The following CDAN1 variants were observed in gnomAD, a reference collection of about 807,000 sequenced individuals.
CDAN1 encodes codanin 1, also known as codanin-1.
CDAN1 carries 107 observed loss-of-function variants against 139.8 expected under a neutral mutation model. That is an observed-to-expected ratio of 0.77 (90% CI 0.65 to 0.90). CDAN1 has a LOEUF of 0.90. CDAN1 is among the 40% of genes least tolerant of loss of function. The pLI is 0.00. For missense variants in CDAN1, 1,667 were observed against 1,575.7 expected (o/e 1.06, Z -0.98); for synonymous variants, 776 against 660.6 (o/e 1.17, Z -2.68).
At chr15:42,729,964 G>A (rs2061587428) in intron 15 of CDAN1, 79 bp from the exon 16 acceptor site, 5 of 1,237,400 alleles carry the variant, frequency 4.0e-6, no homozygotes, top group East Asian at 2.5e-5. Context: ...GTCCCAGGGT[G>A]TAGGCGCCAG....
chr15:42,731,472 C>A, intron 11 of CDAN1, 141 bp from the exon 12 acceptor site: 1 of 1,412,270 alleles, frequency 7.1e-7, no homozygotes, highest in Non-Finnish European at 1.0e-6. Context: ...ACGTGGGTGA[C>A]AGAATGAGAA....
chr15:42,730,888 C>A, intron 13 of CDAN1, 37 bp downstream of exon 13: 1 of 1,614,062 alleles, frequency 6.2e-7, no homozygotes, highest in South Asian at 1.1e-5. Flanking sequence ...GCCGGTCCTC[C>A]CTGCTCCCTC....
rs751944514 is a variant in CDAN1, at chr15:42,730,648, G to A, written c.2124C>T (p.Pro708=). The A allele has an allele frequency of 6.2e-7, 1 of 1,614,078 alleles. No individual in the cohort carries two copies. The highest frequency in any genetic ancestry group is 1.3e-5 in the African/African-American group (1 of 74,942). The change falls in exon 14 of 28, where the codon CCC becomes CCT. Residue 708 remains proline, a synonymous_variant. Coordinates refer to ENST00000356231, the MANE Select transcript of CDAN1 (RefSeq NM_138477.4). The part of the protein sequence containing the change: ...EFLSFADHVV[P]LLEYYRDIFT... ...AGATGTCCCGGTAATATTCCAGCAAGGGAACAACATGGTCAGCAAAGGAGA... is the reference window on the plus strand; with the variant it reads ...AGATGTCCCGGTAATATTCCAGCAAAGGAACAACATGGTCAGCAAAGGAGA...
Position 42,723,725 on chromosome 15 carries a change from T to C in CDAN1, c.*766A>G, listed in dbSNP as rs935462910. ...TACCTTATCTGTTTGTTAGGCTTTT[T>C]CTAGAAAGTCTCGCTCTGTTACCCA... On this transcript the variant is annotated 3_prime_UTR_variant, in exon 28 of 28. Transcript: ENST00000356231. 13 of 152,550 alleles carry C rather than the reference T, an allele frequency of 8.5e-5. No homozygotes were observed. The highest frequency in any genetic ancestry group is 3.1e-4 in the African/African-American group (13 of 41,440). The allele number at this position is 152,550 out of a possible 1,614,324, so 9.4% of individuals were successfully genotyped here.
intron 8 of CDAN1, 44 bp from the exon 9 acceptor site, chr15:42,733,230 C>G: frequency 2.7e-6 from 4 of 1,487,616 alleles, no homozygotes; most frequent in Non-Finnish European, 3.8e-6. Flanking sequence ...CTCACTCCCA[C>G]CAGTGCCTTC....
At chr15:42,728,559 A>G in intron 20 of CDAN1, 93 bp downstream of exon 20, 2 of 1,532,328 alleles carry the variant, frequency 1.3e-6, no homozygotes, top group Non-Finnish European at 1.8e-6. Context: ...AGGCATGAAG[A>G]GAAGAAAGGG....
intron 18 of CDAN1, 42 bp downstream of exon 18, chr15:42,729,187 C>T (rs775320629): frequency 1.9e-6 from 3 of 1,610,898 alleles, no homozygotes; most frequent in Non-Finnish European, 1.7e-6. Flanking sequence ...CGCCCCCAAC[C>T]CCCCCTCATT....
chr15:42,727,857 A>T, intron 22 of CDAN1, 88 bp from the exon 23 acceptor site: 1 of 1,605,050 alleles, frequency 6.2e-7, no homozygotes, highest in Non-Finnish European at 8.5e-7. Context: ...GCTGTTTCCT[A>T]CTGGCTCTCA....
Position 42,727,691 on chromosome 15 carries a change from TC to T in CDAN1, c.3025del (p.Glu1009SerfsTer23). 3 of 1,585,932 alleles carry T rather than the reference TC, an allele frequency of 1.9e-6. No homozygotes were observed. The highest frequency in any genetic ancestry group is 8.6e-7 in the Non-Finnish European group (1 of 1,162,482). ...AQGPEPAARG[E>X]RRGCSRACEH... ...ACAGGCGCGGGAGCAGCCCCTCCGC[TC>T]CCCCCGGGCAGCAGGTTCAGGACCC... On this transcript the variant is annotated frameshift_variant, in exon 23 of 28. Transcript: ENST00000356231. LOFTEE classifies it high-confidence loss of function.
intron 27 of CDAN1, chr15:42,724,906 T>G (rs760823578): frequency 6.5e-6 from 4 of 616,822 alleles, no homozygotes; most frequent in Non-Finnish European, 1.1e-5. Flanking sequence ...TTATTCTAAT[T>G]TTAAAAACCC....
chr15:42,730,965 G>T lies in CDAN1; in HGVS notation c.1967C>A (p.Thr656Asn). 1 of 1,614,176 alleles carries T rather than the reference G, an allele frequency of 6.2e-7. No homozygotes were observed. Among genetic ancestry groups the T allele is most frequent in the East Asian group, 2.2e-5 (1 of 44,868 alleles). ...LPYRGPEPPP[T>N]GELQDSILAL... ...CAGAATGGAGTCCTGAAGCTCACCG[G>T]TCGGGGGAGGTTCAGGCCCCCGGTA... Residue 656 changes from threonine (T) to asparagine (N), a missense_variant, in exon 13 of 28, where the codon ACC becomes AAC. This residue lies in a region of CDAN1 where 936 missense variants were observed against 844.1 expected (regional missense o/e 1.11). Coordinates refer to ENST00000356231, the MANE Select transcript of CDAN1 (RefSeq NM_138477.4).
intron 27 of CDAN1, 186 bp from the exon 28 acceptor site, chr15:42,724,802 C>T (rs184773849): frequency 1.4e-5 from 11 of 762,626 alleles, no homozygotes; most frequent in East Asian, 5.6e-5. Context: ...TGGCAGGGAG[C>T]GAACTCTGAT....
chr15:42,737,071 TCTC>T lies in CDAN1; in HGVS notation c.29_31del (p.Arg10_Glu11delinsGln). The T allele has an allele frequency of 6.6e-7, 1 of 1,522,116 alleles. No individual in the cohort carries two copies. Among genetic ancestry groups the T allele is most frequent in the Non-Finnish European group, 8.8e-7 (1 of 1,131,802 alleles). The allele number at this position is 1,522,116 out of a possible 1,614,324, so 94.3% of individuals were successfully genotyped here. ...CACGACGGCTGCGACCGACACCTCT[TCTC>T]GCAGCAGCGACTCCAAAACGGCCGC... is the stretch of plus-strand genomic sequence containing the variant. On this transcript the variant is annotated inframe_deletion, in exon 1 of 28. Transcript: ENST00000356231.
In CDAN1 at chr15:42,729,635, G is replaced by A; in HGVS notation, c.2353-13C>T. On this transcript the variant is annotated splice_polypyrimidine_tract_variant and intron_variant, in intron 16 of 27. Transcript: ENST00000356231. Reference sequence around the variant, plus strand: ...CAGGCGCATTGTCCTGGGGAGAAAAGGTTGGTGTCAGCAGACTGCCCCTCC... The same window carrying A: ...CAGGCGCATTGTCCTGGGGAGAAAAAGTTGGTGTCAGCAGACTGCCCCTCC... The A allele has an allele frequency of 6.2e-7, 1 of 1,613,964 alleles. No individual in the cohort carries two copies. Among genetic ancestry groups the A allele is most frequent in the Non-Finnish European group, 8.5e-7 (1 of 1,179,952 alleles).
intron 15 of CDAN1, 53 bp downstream of exon 15, chr15:42,730,074 TC>T: frequency 6.6e-7 from 1 of 1,521,840 alleles, no homozygotes; most frequent in African/African-American, 1.4e-5. Flanking sequence ...ATTTGCCCAC[TC>T]CCCATCTTCA....
rs1469101771 is a variant in CDAN1 at position 42,736,786 on chromosome 15, G to A, written c.91-6C>T. 2.0e-6 allele frequency: 3 copies of A among 1,529,544 alleles called. No homozygotes were observed. Among genetic ancestry groups the A allele is most frequent in the South Asian group, 1.2e-5 (1 of 81,770 alleles). 94.7% of individuals were successfully genotyped at this position (1,529,544 alleles called of 1,614,324 possible). On this transcript the variant is annotated splice_polypyrimidine_tract_variant and splice_region_variant and intron_variant, in intron 1 of 27. Coordinates refer to ENST00000356231, the MANE Select transcript of CDAN1 (RefSeq NM_138477.4). Reference sequence around the variant, plus strand: ...GCCGCCTCCCCAGCGTTATCCTAGGGCAGAAGCACAGGTGGAGGGGCGAGA... The same window carrying A: ...GCCGCCTCCCCAGCGTTATCCTAGGACAGAAGCACAGGTGGAGGGGCGAGA...
At position 42,735,263 on chromosome 15, in the gene CDAN1, A is replaced by G. The variant is rs1309923491; in HGVS notation, c.1055T>C (p.Leu352Pro). The G allele has an allele frequency of 6.2e-7, 1 of 1,607,120 alleles. No homozygotes were observed. The part of the protein sequence containing the change: ...DSDPELSPAV[L>P]DSLESPLFQS... ...CAAAAGGAGGCTTGCTCACTGACCTAGGACAGCTGGACTTAGTTCAGGGTC... is the reference window on the plus strand; with the variant it reads ...CAAAAGGAGGCTTGCTCACTGACCTGGGACAGCTGGACTTAGTTCAGGGTC... Residue 352 changes from leucine to proline, a missense_variant and splice_region_variant, in exon 5 of 28, where the codon CTA becomes CCA. Coordinates refer to ENST00000356231, the MANE Select transcript of CDAN1 (RefSeq NM_138477.4).
rs1338014540 is a variant in CDAN1, at chr15:42,729,462, A to G, written c.2408-100T>C. The G allele has an allele frequency of 3.7e-6, 6 of 1,600,078 alleles. No homozygotes were observed. In the African/African-American group the frequency reaches 5.4e-5, roughly 14 times the overall value. ...AGTCAAGAGGCTCAGATACCCAGGA[A>G]TGACTATGAACGGAGCAATATCCAA... On this transcript the variant is annotated intron_variant, in intron 17 of 27. Coordinates refer to ENST00000356231, the MANE Select transcript of CDAN1 (RefSeq NM_138477.4).
chr15:42,730,082 T>G, intron 15 of CDAN1, 46 bp downstream of exon 15: 1 of 1,559,704 alleles, frequency 6.4e-7, no homozygotes. Flanking sequence ...ACTCCCCATC[T>G]TCAGCTGTAG....
Sources: allele counts gnomAD v4.1 joint callset, GRCh38; gene constraint gnomAD v4.1.1; regional missense constraint gnomAD v4.1.1; transcripts MANE v1.5; gene names NCBI Gene and HGNC (gene_info 2026-07-23, HGNC 2026-07-21).